Variants in UGCG observed in about 807,000 individuals in gnomAD.
The protein encoded by UGCG is ceramide glucosyltransferase.
In UGCG, 10 loss-of-function variants were observed where a neutral mutation model predicts 49.5. The observed-to-expected ratio is 0.20, with a 90% CI of 0.12 to 0.34. The LOEUF (loss-of-function observed/expected upper bound fraction) is 0.34, where lower values mean the gene tolerates loss of function less well. UGCG is among the 10% of genes least tolerant of loss of function. The probability of loss-of-function intolerance (pLI) is 1.00; values close to 1 mark genes in which losing one functional copy is unlikely to be tolerated. For synonymous variants in UGCG, 182 were observed against 158.2 expected (o/e 1.15, Z -1.13); for missense variants, 312 against 483.7 (o/e 0.65, Z 3.33).
At position 111,912,029 on chromosome 9, in the gene UGCG, G is replaced by GAGAT. The variant is rs1554733554; in HGVS notation, c.99-2575_99-2574insGATA. Among the ~76,000 whole-genome samples, 4 of 64,596 alleles carry GAGAT rather than the reference G, an allele frequency of 6.2e-5. 1 individual carries two copies. Among genetic ancestry groups the GAGAT allele is most frequent in the Non-Finnish European group, 1.1e-4 (4 of 36,124 alleles). 42.4% of individuals were successfully genotyped at this position (64,596 alleles called of 152,430 possible). On this transcript the variant is annotated intron_variant, in intron 1 of 8. Coordinates refer to ENST00000374279, the MANE Select transcript of UGCG (RefSeq NM_003358.3). ...CAGGATACATATATATATTCAACAG[G>GAGAT]ATATATATATATATATATATATATC...
chr9:111,930,894 G>GT (rs557799415), intron 6 of UGCG, among the ~76,000 whole-genome samples: 1 of 152,156 alleles, frequency 6.6e-6, no homozygotes, highest in Non-Finnish European at 1.5e-5. Context: ...TGGTTTCCTA[G>GT]TGTCTCCCAT....
In UGCG at chr9:111,929,700, A is replaced by G. The variant is rs1330641034; in HGVS notation, c.737+22A>G. The G allele has an allele frequency of 2.5e-6, 4 of 1,609,200 alleles. No individual in the cohort carries two copies. In the Admixed American group the frequency reaches 5.1e-5, roughly 21 times the overall value. On this transcript the variant is annotated intron_variant, in intron 6 of 8. Transcript: ENST00000374279. ...ACCGGTAAGACAACTAAATGAAGCC[A>G]TAGTATTTTTATTACCTAACTTCTG...
At chr9:111,918,173 T>C (rs1355335289) in intron 2 of UGCG, among the ~76,000 whole-genome samples, 1 of 151,938 alleles carries the variant, frequency 6.6e-6, no homozygotes, top group Non-Finnish European at 1.5e-5. Context: ...TCCCGAGAAG[T>C]TGGGATTACA....
At chr9:111,907,497 T>C (rs1837909141) in intron 1 of UGCG, among the ~76,000 whole-genome samples, 1 of 152,246 alleles carries the variant, frequency 6.6e-6, no homozygotes, top group South Asian at 2.1e-4. Flanking sequence ...CTCATTGGTA[T>C]ATTTTCCTGA....
intron 2 of UGCG, among the ~76,000 whole-genome samples, chr9:111,917,614 A>G (rs1306411199): frequency 2.0e-5 from 3 of 152,214 alleles, no homozygotes; most frequent in African/African-American, 7.2e-5. Context: ...CATATCTTCA[A>G]GTTTTAAAAT....
rs949633678 is a variant in UGCG at position 111,933,605 on chromosome 9, G to A, written c.*608G>A. On this transcript the variant is annotated 3_prime_UTR_variant, in exon 9 of 9. Transcript: ENST00000374279. ...CAAACAGAAAAACTTAAAAAAAAAT[G>A]ATATAAGAGCTGGAGTCTAGTATTT... The A allele has an allele frequency of 6.6e-6, 1 of 152,082 alleles. No individual in the cohort carries two copies. Among genetic ancestry groups the A allele is most frequent in the East Asian group, 1.9e-4 (1 of 5,198 alleles). The allele number at this position is 152,082 out of a possible 1,614,324, so 9.4% of individuals were successfully genotyped here. A position where few individuals can be genotyped will look rare whatever the true frequency, so the allele number is the denominator to read the frequency against.
chr9:111,910,883 C>T (rs752637228), intron 1 of UGCG, among the ~76,000 whole-genome samples: 6 of 152,000 alleles, frequency 3.9e-5, no homozygotes, highest in Non-Finnish European at 7.4e-5. Context: ...GTAGCTGGGA[C>T]CACAGGTGCA....
intron 1 of UGCG, among the ~76,000 whole-genome samples, chr9:111,912,445 G>A (rs1838028913): frequency 6.6e-6 from 1 of 152,014 alleles, no homozygotes; most frequent in Admixed American, 6.6e-5. Flanking sequence ...TGGGCATGGT[G>A]GTGCATGCCT....
intron 1 of UGCG, among the ~76,000 whole-genome samples, chr9:111,912,423 C>T (rs1196251135): frequency 6.6e-6 from 1 of 151,774 alleles, no homozygotes; most frequent in Non-Finnish European, 1.5e-5. Context: ...ACTAAAAATA[C>T]AAAAAGTTAG....
chr9:111,934,029 A>G lies in UGCG; in HGVS notation c.*1032A>G, dbSNP rs944539059. ...ATTTAATACCTTTTTTAAGTCAGTA[A>G]ATATTCTAGCCATCAATAAATTGCA... On this transcript the variant is annotated 3_prime_UTR_variant, in exon 9 of 9. Coordinates refer to ENST00000374279, the MANE Select transcript of UGCG (RefSeq NM_003358.3). 5 of 152,178 alleles carry G rather than the reference A, an allele frequency of 3.3e-5. No homozygotes were observed. The highest frequency in any genetic ancestry group is 6.5e-5 in the Admixed American group (1 of 15,270). The allele number at this position is 152,178 out of a possible 1,614,324, so 9.4% of individuals were successfully genotyped here.
At chr9:111,900,833 T>C (rs1837754968) in intron 1 of UGCG, among the ~76,000 whole-genome samples, 1 of 152,152 alleles carries the variant, frequency 6.6e-6, no homozygotes, top group Non-Finnish European at 1.5e-5. Flanking sequence ...TTAATTCTGC[T>C]TTCTACAAAC....
intron 1 of UGCG, among the ~76,000 whole-genome samples, chr9:111,904,087 C>T (rs1309919745): frequency 1.3e-5 from 2 of 152,184 alleles, no homozygotes; most frequent in Non-Finnish European, 2.9e-5. Context: ...TTGCCCCAGG[C>T]TGTCTGCCCA....
At chr9:111,932,105 A>G in intron 7 of UGCG, 65 bp from the exon 8 acceptor site, 2 of 1,490,432 alleles carry the variant, frequency 1.3e-6, no homozygotes, top group Non-Finnish European at 1.8e-6. Context: ...ATTTGAGGGA[A>G]AAAAAAAAGG....
At position 111,926,384 on chromosome 9, in the gene UGCG, T is replaced by C; in HGVS notation, c.446T>C (p.Val149Ala). 1 of 1,597,438 alleles carries C rather than the reference T, an allele frequency of 6.3e-7. No homozygotes were observed. The highest frequency in any genetic ancestry group is 2.2e-5 in the East Asian group (1 of 44,592). The change falls in exon 5 of 9, where the codon GTA becomes GCA. Residue 149 changes from valine (V) to alanine (A), a missense_variant and splice_region_variant. Transcript: ENST00000374279. ...LIWICDSGIR[V>A]IPDTLTDMVN... ...TCTCTGCCTTTTTTTTAAATTGTAG[T>C]AATTCCAGATACGCTTACTGACATG...
intron 1 of UGCG, among the ~76,000 whole-genome samples, chr9:111,906,153 C>T (rs1334345596): frequency 1.3e-5 from 2 of 152,098 alleles, no homozygotes; most frequent in African/African-American, 2.4e-5. Flanking sequence ...AGTTGCAAAC[C>T]TCTGGTCTCC....
chr9:111,933,042 T>A lies in UGCG; in HGVS notation c.*45T>A, dbSNP rs747784812. 1.1e-5 allele frequency: 15 copies of A among 1,381,964 alleles called. No individual in the cohort carries two copies. Among genetic ancestry groups the A allele is most frequent in the Non-Finnish European group, 1.4e-5 (15 of 1,057,392 alleles). The allele number at this position is 1,381,964 out of a possible 1,614,324, so 85.6% of individuals were successfully genotyped here. A position where few individuals can be genotyped will look rare whatever the true frequency, so the allele number is the denominator to read the frequency against. ...TATAAAGGAAAAAAGAGAAGTATTA[T>A]AAATTATGTTTATATAAATGCTTTT... On this transcript the variant is annotated 3_prime_UTR_variant, in exon 9 of 9. Coordinates refer to ENST00000374279, the MANE Select transcript of UGCG (RefSeq NM_003358.3).
At chr9:111,907,677 T>A (rs1589519130) in intron 1 of UGCG, among the ~76,000 whole-genome samples, 1 of 150,280 alleles carries the variant, frequency 6.7e-6, no homozygotes, top group African/African-American at 2.5e-5. Context: ...CAGGCTGGAG[T>A]GCAGTGGTGC....
At chr9:111,931,665 C>A (rs1056264424) in intron 7 of UGCG, among the ~76,000 whole-genome samples, 1 of 151,958 alleles carries the variant, frequency 6.6e-6, no homozygotes, top group African/African-American at 2.4e-5. Context: ...AGAGCGTAGG[C>A]CATACAAATG....
intron 2 of UGCG, among the ~76,000 whole-genome samples, chr9:111,922,620 G>A (rs1838246880): frequency 6.6e-6 from 1 of 152,164 alleles, no homozygotes; most frequent in Non-Finnish European, 1.5e-5. Flanking sequence ...GGCACTGCCA[G>A]TCTCTTCCTT....
Sources: allele counts gnomAD v4.1 joint callset (sites outside exome capture counted in the v4.1 genomes callset), GRCh38; gene constraint gnomAD v4.1.1; transcripts MANE v1.5; gene names NCBI Gene and HGNC (gene_info 2026-07-23, HGNC 2026-07-21).